The following MARCHF10 variants were observed in gnomAD, a reference collection of about 807,000 sequenced individuals.
The protein encoded by MARCHF10 is probable E3 ubiquitin-protein ligase MARCHF10.
MARCHF10 carries 64 observed loss-of-function variants against 76.2 expected under a neutral mutation model. That is an observed-to-expected ratio of 0.84 (90% CI 0.69 to 1.03). The LOEUF is 1.03. Among genes scored for constraint, MARCHF10 ranks in the 50% least tolerant of loss-of-function variants. The pLI is 0.00. For synonymous variants in MARCHF10, 340 were observed against 357.5 expected (o/e 0.95, Z 0.55); for missense variants, 875 against 958.0 (o/e 0.91, Z 1.14).
chr17:62,786,624 T>C (rs1598029995), intron 3 of MARCHF10, among the ~76,000 whole-genome samples: 1 of 152,342 alleles, frequency 6.6e-6, no homozygotes, highest in South Asian at 2.1e-4. Context: ...TTCACATAAT[T>C]ACTATTATGT....
chr17:62,716,217 A>T (rs577491946), intron 8 of MARCHF10, among the ~76,000 whole-genome samples: 1 of 152,202 alleles, frequency 6.6e-6, no homozygotes, highest in Non-Finnish European at 1.5e-5. Flanking sequence ...GCTGGTCGGT[A>T]GGGCCCTGCG....
chr17:62,798,421 C>T (rs908709565), intron 2 of MARCHF10, among the ~76,000 whole-genome samples: 8 of 143,340 alleles, frequency 5.6e-5, no homozygotes, highest in African/African-American at 2.1e-4. Context: ...GCCAGGAGTT[C>T]GAGACCAGCC....
At position 62,783,132 on chromosome 17, in the gene MARCHF10, G is replaced by T. The variant is rs144401365; in HGVS notation, c.210+5348C>A. Among the ~76,000 whole-genome samples, 894 of 151,090 alleles carry T rather than the reference G, an allele frequency of 5.9e-3. 18 individuals carry two copies. The highest frequency in any genetic ancestry group is 0.021 in the African/African-American group (847 of 41,008). ...GTTTCTTATTCTCTGACACACTGAG[G>T]GACAGTGTCATAGTGCAAACATAAA... On this transcript the variant is annotated intron_variant, in intron 3 of 10. Coordinates refer to ENST00000311269, the MANE Select transcript of MARCHF10 (RefSeq NM_152598.4).
chr17:62,731,464 C>T (rs1422453986), intron 6 of MARCHF10, among the ~76,000 whole-genome samples: 4 of 152,010 alleles, frequency 2.6e-5, no homozygotes, highest in Non-Finnish European at 5.9e-5. Context: ...GGTTTCATCA[C>T]GGTGGCCAGG....
intron 3 of MARCHF10, among the ~76,000 whole-genome samples, chr17:62,773,998 G>C (rs2092498350): frequency 1.3e-5 from 2 of 152,194 alleles, no homozygotes; most frequent in African/African-American, 4.8e-5. Context: ...TTATTAAGAG[G>C]GTCAAGCACA....
At chr17:62,747,643 A>G (rs1191391054) in intron 4 of MARCHF10, among the ~76,000 whole-genome samples, 4 of 152,228 alleles carry the variant, frequency 2.6e-5, no homozygotes, top group Admixed American at 6.5e-5. Context: ...TGTAAAGAAT[A>G]CTACCACTAC....
chr17:62,756,836 G>T (rs1176361959), intron 4 of MARCHF10, among the ~76,000 whole-genome samples: 1 of 152,142 alleles, frequency 6.6e-6, no homozygotes, highest in Non-Finnish European at 1.5e-5. Flanking sequence ...AACCGCATGC[G>T]CCACTGCATG....
intron 3 of MARCHF10, among the ~76,000 whole-genome samples, chr17:62,769,526 G>T (rs774432769): frequency 3.9e-5 from 6 of 152,094 alleles, no homozygotes; most frequent in Non-Finnish European, 7.4e-5. Context: ...CAATTCTTGT[G>T]CCTCAATCTT....
Position 62,705,521 on chromosome 17 carries a change from C to T in MARCHF10, c.2371+18G>A. 2 of 1,614,174 alleles carry T rather than the reference C, an allele frequency of 1.2e-6. No individual in the cohort carries two copies. The highest frequency in any genetic ancestry group is 1.7e-6 in the Non-Finnish European group (2 of 1,180,040). ...AGCAAACACCCTCAAAATGGCAGGA[C>T]TGGCCCCCAAAACCTACTTTCATTT... On this transcript the variant is annotated intron_variant, in intron 10 of 10. Coordinates refer to ENST00000311269, the MANE Select transcript of MARCHF10 (RefSeq NM_152598.4).
At position 62,701,568 on chromosome 17, in the gene MARCHF10, C is replaced by A; in HGVS notation, c.*135G>T. On this transcript the variant is annotated 3_prime_UTR_variant, in exon 11 of 11. Coordinates refer to ENST00000311269, the MANE Select transcript of MARCHF10 (RefSeq NM_152598.4). ...CAAGCCAGACCCCAAAAGAGAGTGG[C>A]ACGAGGTGAAAATCTAACTGTGAAC... The A allele has an allele frequency of 1.3e-6, 2 of 1,568,172 alleles. No homozygotes were observed. The highest frequency in any genetic ancestry group is 2.3e-5 in the South Asian group (2 of 86,544).
intron 8 of MARCHF10, among the ~76,000 whole-genome samples, chr17:62,720,860 ATTTTTTTTTTT>A (rs56688878): frequency 1.1e-5 from 1 of 87,992 alleles, no homozygotes; most frequent in African/African-American, 4.5e-5. Context: ...GTAAGTTGTG[ATTTTTTTTTTT>A]TTTTTTTTTT....
intron 8 of MARCHF10, among the ~76,000 whole-genome samples, chr17:62,713,814 TG>T (rs1427024711): frequency 6.6e-6 from 1 of 151,260 alleles, no homozygotes; most frequent in African/African-American, 2.4e-5. Flanking sequence ...CTGAAGGGAA[TG>T]GGGGTGGCAT....
At chr17:62,799,151 G>A (rs867770162) in intron 2 of MARCHF10, among the ~76,000 whole-genome samples, 2 of 152,180 alleles carry the variant, frequency 1.3e-5, no homozygotes, top group South Asian at 2.1e-4. Context: ...ATGTGTTGAC[G>A]TGAGTCATCC....
intron 2 of MARCHF10, among the ~76,000 whole-genome samples, chr17:62,793,475 T>TCCATCAC (rs2092917942): frequency 4.3e-5 from 2 of 46,126 alleles, no homozygotes; most frequent in East Asian, 9.4e-4. Flanking sequence ...ACCACCACCA[T>TCCATCAC]CACCACCACC....
intron 2 of MARCHF10, chr17:62,795,166 A>G (rs2148177717): frequency 3.1e-6 from 1 of 326,998 alleles, no homozygotes; most frequent in Non-Finnish European, 4.4e-6. Flanking sequence ...GAACACATGT[A>G]TATTGAGATA....
chr17:62,796,574 A>G (rs141449383), intron 2 of MARCHF10, among the ~76,000 whole-genome samples: 97 of 152,354 alleles, frequency 6.4e-4, no homozygotes, highest in African/African-American at 2.3e-3. Context: ...AGCTTAGTTG[A>G]TAGCCAAGTT....
intron 3 of MARCHF10, among the ~76,000 whole-genome samples, chr17:62,768,375 G>A (rs550776349): frequency 1.8e-4 from 28 of 152,174 alleles, no homozygotes; most frequent in African/African-American, 3.4e-4. Flanking sequence ...AAAATTAGCC[G>A]GGCATGGTGG....
intron 2 of MARCHF10, among the ~76,000 whole-genome samples, chr17:62,795,729 G>C (rs1428003360): frequency 6.6e-6 from 1 of 152,194 alleles, no homozygotes; most frequent in Non-Finnish European, 1.5e-5. Context: ...AAGGTGAGTG[G>C]AGTACAGGAA....
In MARCHF10 at chr17:62,738,095, CACACAA is replaced by C. The variant is rs2091361487; in HGVS notation, c.536-769_536-764del. On this transcript the variant is annotated intron_variant, in intron 5 of 10. Coordinates refer to ENST00000311269, the MANE Select transcript of MARCHF10 (RefSeq NM_152598.4). The surrounding 1 kb of genome is among the most constrained non-coding windows in gnomAD (Gnocchi z 4.0). ...ACACACACACACACACACACACACACACACAACTTAAGCCTCACAACCCTGTGAAAT... is the reference window on the plus strand; with the variant it reads ...ACACACACACACACACACACACACACCTTAAGCCTCACAACCCTGTGAAAT... Among the ~76,000 whole-genome samples, 1 of 151,378 alleles carries C rather than the reference CACACAA, an allele frequency of 6.6e-6. No homozygotes were observed. Among genetic ancestry groups the C allele is most frequent in the East Asian group, 2.0e-4 (1 of 5,120 alleles).
Sources: allele counts gnomAD v4.1 joint callset (sites outside exome capture counted in the v4.1 genomes callset), GRCh38; gene constraint gnomAD v4.1.1; non-coding constraint Gnocchi (gnomAD v3.1); transcripts MANE v1.5; gene names NCBI Gene and HGNC (gene_info 2026-07-23, HGNC 2026-07-21).